NID1: variants seen among roughly 807,000 people sequenced by gnomAD.
NID1 encodes the protein nidogen-1.
Under a neutral mutation model 130.6 loss-of-function variants are expected in NID1, and 76 were observed. The ratio of observed to expected loss-of-function variants is 0.58; its 90% CI spans 0.48 to 0.70. The LOEUF is 0.70. NID1 is among the 30% of genes least tolerant of loss of function. NID1 has a pLI of 0.00. For missense variants in NID1, 1,517 were observed against 1,664.8 expected, an observed-to-expected ratio of 0.91 and a Z score of 1.54; for synonymous variants, 665 against 675.1, an observed-to-expected ratio of 0.98 and a Z score of 0.23.
rs1657241149 is a variant in NID1 at position 235,976,098 on chromosome 1, A to C, written c.*1769T>G. 1 of 152,276 alleles carries C rather than the reference A, an allele frequency of 6.6e-6. No individual in the cohort carries two copies. The highest frequency in any genetic ancestry group is 1.5e-5 in the Non-Finnish European group (1 of 68,034). The allele number at this position is 152,276 out of a possible 1,614,324, so 9.4% of individuals were successfully genotyped here. ...TACAAAAAGTGAGACTAATTTATGG[A>C]TTTGGGCTACGTAAAAGACCTACAT... On this transcript the variant is annotated 3_prime_UTR_variant, in exon 20 of 20. Transcript: ENST00000264187.
At chr1:236,029,871 G>T in intron 6 of NID1, 121 bp from the exon 7 acceptor site, 1 of 864,904 alleles carries the variant, frequency 1.2e-6, no homozygotes, top group Non-Finnish European at 1.8e-6. Context: ...TGGTTTGGCT[G>T]TAGAACATAG....
At chr1:236,036,158 C>A (rs1162784424) in intron 5 of NID1, among the ~76,000 whole-genome samples, 2 of 152,172 alleles carry the variant, frequency 1.3e-5, no homozygotes, top group Admixed American at 6.5e-5. Flanking sequence ...ATTTTGGAAG[C>A]TTCTCCTGGG....
chr1:236,029,739 T>G lies in NID1; in HGVS notation c.1549A>C (p.Thr517Pro), dbSNP rs1558439603. Residue 517 changes from threonine to proline, a missense_variant, in exon 7 of 20, where the codon ACT becomes CCT. Physicochemically the swap from Thr to Pro is conservative, Grantham distance 38. Coordinates refer to ENST00000264187, the MANE Select transcript of NID1 (RefSeq NM_002508.3). ...NGFSITGGEF[T>P]RQAEVTFVGH... ...ACGAAGGTCACCTCAGCCTGGCGAG[T>G]GAACTCACCCCCTGAAAAACAAGAT... The G allele has an allele frequency of 6.2e-7, 1 of 1,614,040 alleles. No homozygotes were observed.
At chr1:236,056,910 A>G (rs1364032038) in intron 1 of NID1, among the ~76,000 whole-genome samples, 1 of 151,286 alleles carries the variant, frequency 6.6e-6, no homozygotes, top group Non-Finnish European at 1.5e-5. Context: ...AAACAAAAAC[A>G]TGAAGCGTAA....
intron 13 of NID1, among the ~76,000 whole-genome samples, chr1:235,991,998 C>T (rs1440463204): frequency 1.3e-5 from 2 of 152,186 alleles, no homozygotes; most frequent in South Asian, 2.1e-4. Context: ...CTCCTGACCT[C>T]AACCCCTCGC....
chr1:236,048,625 T>G, intron 2 of NID1, 65 bp downstream of exon 2: 289 of 1,536,964 alleles, frequency 1.9e-4, no homozygotes, highest in Middle Eastern at 2.4e-4. Context: ...GCACAAGGCG[T>G]GAGACCAAAG....
chr1:236,012,114 A>G, intron 11 of NID1, 71 bp from the exon 12 acceptor site: 1 of 1,574,928 alleles, frequency 6.3e-7, no homozygotes, highest in African/African-American at 1.3e-5. Context: ...CAATAATTTA[A>G]GCCACTTACT....
intron 4 of NID1, among the ~76,000 whole-genome samples, chr1:236,039,009 A>G (rs1041124953): frequency 1.8e-5 from 2 of 112,262 alleles, no homozygotes; most frequent in African/African-American, 7.2e-5. Flanking sequence ...GTAAATATAT[A>G]ATATATATTT....
chr1:236,029,596 G>C lies in NID1; in HGVS notation c.1692C>G (p.Ser564=), dbSNP rs368325718. The C allele has an allele frequency of 6.3e-7, 1 of 1,589,904 alleles. No individual in the cohort carries two copies. The highest frequency in any genetic ancestry group is 8.6e-7 in the Non-Finnish European group (1 of 1,168,364). Residue 564 remains serine, a synonymous_variant, in exon 7 of 20, where the codon TCC becomes TCG. Coordinates refer to ENST00000264187, the MANE Select transcript of NID1 (RefSeq NM_002508.3). ...GRVPQIPFGS[S]VHIEPYTELY... ...GCTCCGTGTAGGGCTCAATGTGCAC[G>C]GAGGAGCCGAACGGAATCTGCGGCA...
intron 14 of NID1, among the ~76,000 whole-genome samples, chr1:235,990,236 A>C (rs1023361949): frequency 6.6e-5 from 10 of 152,240 alleles, no homozygotes; most frequent in African/African-American, 2.4e-4. Context: ...GGAAGAGAAG[A>C]AAAGCTGGAG....
At position 236,058,443 on chromosome 1, in the gene NID1, CCAAG is replaced by C. The variant is rs142706940; in HGVS notation, c.225+6408_225+6411del. Among the ~76,000 whole-genome samples, 795 of 152,242 alleles carry C rather than the reference CCAAG, an allele frequency of 5.2e-3. 10 individuals carry two copies. Among genetic ancestry groups the C allele is most frequent in the African/African-American group, 0.018 (735 of 41,538 alleles). ...CACAAAAAAACCCAGGGTGAAAATG[CCAAG>C]CACCACATGGGTAACAGCTGGAACC... On this transcript the variant is annotated intron_variant, in intron 1 of 19. Transcript: ENST00000264187.
At chr1:235,985,552 G>T (rs772824846) in intron 14 of NID1, 47 bp from the exon 15 acceptor site, 4 of 1,604,618 alleles carry the variant, frequency 2.5e-6, no homozygotes, top group Non-Finnish European at 3.4e-6. Context: ...ACAAGCATCT[G>T]ATAGTGAGAA....
chr1:235,999,088 G>A (rs1277128258), intron 12 of NID1, among the ~76,000 whole-genome samples: 1 of 152,206 alleles, frequency 6.6e-6, no homozygotes, highest in African/African-American at 2.4e-5. Flanking sequence ...TGTACACACA[G>A]TACCTTAGCT....
intron 1 of NID1, among the ~76,000 whole-genome samples, chr1:236,051,278 C>A (rs1198480976): frequency 6.7e-6 from 1 of 149,906 alleles, no homozygotes; most frequent in Non-Finnish European, 1.5e-5. Context: ...TCCCCCTCCC[C>A]TCCCTCCTCC....
At chr1:236,057,182 C>T (rs931512163) in intron 1 of NID1, among the ~76,000 whole-genome samples, 4 of 151,726 alleles carry the variant, frequency 2.6e-5, no homozygotes, top group African/African-American at 7.3e-5. Context: ...TCGCTTGAAC[C>T]CGGGAGGTGG....
intron 1 of NID1, among the ~76,000 whole-genome samples, chr1:236,056,449 G>A (rs1659900423): frequency 6.6e-6 from 1 of 152,146 alleles, no homozygotes; most frequent in African/African-American, 2.4e-5. Context: ...GGATAATTAG[G>A]AAATTCACCG....
At chr1:236,003,493 C>G (rs980450122) in intron 12 of NID1, among the ~76,000 whole-genome samples, 1 of 152,190 alleles carries the variant, frequency 6.6e-6, no homozygotes, top group African/African-American at 2.4e-5. Context: ...GCAGAAAACC[C>G]TGAGGTGTGT....
At chr1:235,995,533 T>G (rs563897236) in intron 12 of NID1, among the ~76,000 whole-genome samples, 1 of 152,186 alleles carries the variant, frequency 6.6e-6, no homozygotes, top group East Asian at 1.9e-4. Context: ...CAAAGCAATG[T>G]CCAGACACTG....
intron 5 of NID1, among the ~76,000 whole-genome samples, chr1:236,035,452 A>G (rs1260131452): frequency 7.6e-6 from 1 of 131,466 alleles, no homozygotes. Flanking sequence ...CGCAATAAAC[A>G]TACGTGTGCA....
Sources: allele counts gnomAD v4.1 joint callset (sites outside exome capture counted in the v4.1 genomes callset), GRCh38; gene constraint gnomAD v4.1.1; transcripts MANE v1.5; gene names NCBI Gene and HGNC (gene_info 2026-07-23, HGNC 2026-07-21).